Variants in NFX1 observed in about 807,000 individuals in gnomAD.
NFX1 encodes transcriptional repressor NF-X1.
Under a neutral mutation model 137.2 loss-of-function variants are expected in NFX1, and 69 were observed. That is an observed-to-expected ratio of 0.50 (90% CI 0.41 to 0.61). NFX1 has a LOEUF of 0.61. NFX1 is among the 20% of genes least tolerant of loss of function. NFX1 has a pLI of 0.00. For synonymous variants in NFX1, 495 were observed against 474.1 expected (o/e 1.04, Z -0.57); for missense variants, 1,167 against 1,391.0 (o/e 0.84, Z 2.56).
At chr9:33,357,871 C>T (rs1387080342) in intron 19 of NFX1, among the ~76,000 whole-genome samples, 1 of 151,886 alleles carries the variant, frequency 6.6e-6, no homozygotes, top group Admixed American at 6.6e-5. Context: ...TCACAATTGG[C>T]TTGTTATTAT....
chr9:33,351,529 A>T (rs1271819102), intron 15 of NFX1, 31 bp from the exon 16 acceptor site: 31 of 1,592,414 alleles, frequency 1.9e-5, no homozygotes, highest in Non-Finnish European at 2.7e-5. Context: ...CCACATGGAG[A>T]TGAGAATCTG....
At chr9:33,332,800 A>G (rs898396538) in intron 11 of NFX1, 6 of 313,032 alleles carry the variant, frequency 1.9e-5, no homozygotes, top group Non-Finnish European at 3.6e-5. Context: ...TAATGGTAGA[A>G]TCTAGATATG....
intron 9 of NFX1, among the ~76,000 whole-genome samples, chr9:33,325,829 T>C (rs535982256): frequency 6.6e-6 from 1 of 152,154 alleles, no homozygotes; most frequent in Admixed American, 6.5e-5. Context: ...TAAACCCAAA[T>C]AGAATTTCAA....
intron 9 of NFX1, among the ~76,000 whole-genome samples, chr9:33,325,386 G>A (rs544708297): frequency 3.4e-5 from 5 of 147,988 alleles, no homozygotes; most frequent in South Asian, 2.2e-4. Context: ...GCAACTGGCC[G>A]GGCGCGGTGG....
At chr9:33,358,273 C>T (rs1564147216) in intron 19 of NFX1, among the ~76,000 whole-genome samples, 1 of 151,806 alleles carries the variant, frequency 6.6e-6, no homozygotes. Context: ...TGCAGGTGCC[C>T]ACCACTACAC....
intron 23 of NFX1, among the ~76,000 whole-genome samples, chr9:33,368,021 G>T (rs113573951): frequency 6.6e-6 from 1 of 152,228 alleles, no homozygotes; most frequent in Non-Finnish European, 1.5e-5. Flanking sequence ...ATCACTTAAG[G>T]TCAGGAGTTC....
chr9:33,316,051 C>A (rs1198886291), intron 7 of NFX1, among the ~76,000 whole-genome samples: 1 of 152,120 alleles, frequency 6.6e-6, no homozygotes, highest in African/African-American at 2.4e-5. Flanking sequence ...ATTTTCCAGA[C>A]TAAAATTTCT....
At position 33,371,112 on chromosome 9, in the gene NFX1, G is replaced by A. The variant is rs1432688846; in HGVS notation, c.*1134G>A. 6.6e-6 allele frequency: 1 copy of A among 152,212 alleles called. No homozygotes were observed. The highest frequency in any genetic ancestry group is 2.4e-5 in the African/African-American group (1 of 41,462). 9.4% of individuals were successfully genotyped at this position (152,212 alleles called of 1,614,324 possible). On this transcript the variant is annotated 3_prime_UTR_variant, in exon 24 of 24. Transcript: ENST00000379540. ...GCAGTAGCAGGAGACTTGAGAAGTA[G>A]AGTGACAAAAACAAGCACTTAATTA...
intron 6 of NFX1, 110 bp from the exon 7 acceptor site, chr9:33,313,544 G>C (rs1476734712): frequency 1.0e-6 from 1 of 1,003,178 alleles, no homozygotes; most frequent in Non-Finnish European, 1.5e-6. Flanking sequence ...AATGAAGTTA[G>C]AGAAAGGCTT....
At chr9:33,339,222 G>A (rs995780115) in intron 12 of NFX1, among the ~76,000 whole-genome samples, 7 of 152,044 alleles carry the variant, frequency 4.6e-5, no homozygotes, top group African/African-American at 1.4e-4. Flanking sequence ...CCCAAGACTA[G>A]GGAAGTTACA....
chr9:33,366,831 G>A, intron 22 of NFX1, 57 bp downstream of exon 22: 2 of 1,575,658 alleles, frequency 1.3e-6, no homozygotes, highest in African/African-American at 1.3e-5. Flanking sequence ...CTGGACCCAA[G>A]AAGCAGGGTC....
chr9:33,325,246 G>A (rs1822538338), intron 9 of NFX1, among the ~76,000 whole-genome samples: 2 of 152,152 alleles, frequency 1.3e-5, no homozygotes, highest in Non-Finnish European at 2.9e-5. Flanking sequence ...AGCAGCAAGA[G>A]AAAAATGACT....
chr9:33,358,647 A>ATTTTTTTTTTTTTTTTTTTTT (rs61589629), intron 19 of NFX1, among the ~76,000 whole-genome samples: 1 of 48,472 alleles, frequency 2.1e-5, no homozygotes, highest in Non-Finnish European at 3.5e-5. Context: ...GAATGGCTTG[A>ATTTTTTTTTTTTTTTTTTTTT]TTTTTTTTTT....
In NFX1 at chr9:33,354,346, A is replaced by G. The variant is rs141437165; in HGVS notation, c.2831+159A>G. On this transcript the variant is annotated intron_variant, in intron 18 of 23. Coordinates refer to ENST00000379540, the MANE Select transcript of NFX1 (RefSeq NM_002504.6). ...TGTTGAGACATCTGCTCCATCCCCA[A>G]TGAATCCTACTCAGGAGATGGCTAA... Among the ~76,000 whole-genome samples the G allele has an allele frequency of 2.0e-5, 3 of 152,310 alleles. No individual in the cohort carries two copies. The East Asian group carries it at 5.8e-4, about 29-fold the overall frequency.
rs1388172108 is a variant in NFX1, at chr9:33,290,533, G to A, written c.-40G>A. 1.9e-6 allele frequency: 3 copies of A among 1,613,350 alleles called. No individual in the cohort carries two copies. The highest frequency in any genetic ancestry group is 1.7e-6 in the Non-Finnish European group (2 of 1,179,458). Reference sequence around the variant, plus strand: ...GGGCACGTGACCTGGTGACAGTGCTGACTTGGCTGTACAGCTCGATCTAGG... The same window carrying A: ...GGGCACGTGACCTGGTGACAGTGCTAACTTGGCTGTACAGCTCGATCTAGG... On this transcript the variant is annotated 5_prime_UTR_variant, in exon 1 of 24. Coordinates refer to ENST00000379540, the MANE Select transcript of NFX1 (RefSeq NM_002504.6).
chr9:33,340,214 C>G (rs530472016), intron 12 of NFX1, among the ~76,000 whole-genome samples: 134 of 152,360 alleles, frequency 8.8e-4, no homozygotes, highest in Non-Finnish European at 1.4e-3. Context: ...CCAGGCATTT[C>G]CATACATCTT....
chr9:33,309,271 G>A (rs1017816697), intron 5 of NFX1, among the ~76,000 whole-genome samples: 25 of 152,020 alleles, frequency 1.6e-4, no homozygotes, highest in African/African-American at 4.6e-4. Flanking sequence ...GCAGGAGAAT[G>A]GCGTGAACCC....
intron 6 of NFX1, among the ~76,000 whole-genome samples, chr9:33,313,055 G>A (rs1822020345): frequency 6.6e-6 from 1 of 152,072 alleles, no homozygotes; most frequent in Non-Finnish European, 1.5e-5. Context: ...TCAGATCTGG[G>A]TACATGATAG....
Position 33,313,762 on chromosome 9 carries a change from G to T in NFX1, c.1557G>T (p.Gln519His). ...HQCAELCHGG[Q>H]CQPCQIILNQ... ...GTGCTGAGCTGTGCCATGGGGGTCAGTGCCAGCCTTGCCAGATCATTTTGA... is the reference window on the plus strand; with the variant it reads ...GTGCTGAGCTGTGCCATGGGGGTCATTGCCAGCCTTGCCAGATCATTTTGA... The change falls in exon 7 of 24, where the codon CAG (glutamine) becomes CAT (histidine). Residue 519 changes from glutamine to histidine, a missense_variant. This residue lies in a region of NFX1 where 488 missense variants were observed against 691.5 expected (regional missense o/e 0.71). Transcript: ENST00000379540. 6.2e-7 allele frequency: 1 copy of T among 1,614,186 alleles called. No individual in the cohort carries two copies. The highest frequency in any genetic ancestry group is 8.5e-7 in the Non-Finnish European group (1 of 1,180,012).
Sources: allele counts gnomAD v4.1 joint callset (sites outside exome capture counted in the v4.1 genomes callset), GRCh38; gene constraint gnomAD v4.1.1; regional missense constraint gnomAD v4.1.1; transcripts MANE v1.5; gene names NCBI Gene and HGNC (gene_info 2026-07-23, HGNC 2026-07-21).